The following SEC23B variants were observed in gnomAD, a reference collection of about 807,000 sequenced individuals.
The protein encoded by SEC23B is SEC23 homolog B, COPII component, also known as protein transport protein Sec23B.
A neutral mutation model predicts 104.3 loss-of-function variants in SEC23B; 77 were observed. That is an observed-to-expected ratio of 0.74 (90% confidence interval 0.61 to 0.89). The LOEUF is 0.89. Among genes scored for constraint, SEC23B ranks in the 40% least tolerant of loss-of-function variants. The probability of loss-of-function intolerance (pLI) is 0.00; values close to 1 mark genes in which losing one functional copy is unlikely to be tolerated. For missense variants in SEC23B, 885 were observed against 949.4 expected (o/e 0.93, Z 0.89); for synonymous variants, 338 against 332.5 (o/e 1.02, Z -0.18).
At position 18,556,636 on chromosome 20, in the gene SEC23B, T is replaced by G. The variant is rs192838378; in HGVS notation, c.2214+1463T>G. ...TCATTTCATTGACTTTATTATCTTT[T>G]TATTTTCAATTTCATTGATTGCTGC... is the stretch of plus-strand genomic sequence containing the variant. On this transcript the variant is annotated intron_variant, in intron 19 of 19. Coordinates refer to ENST00000650089, the MANE Select transcript of SEC23B (RefSeq NM_006363.6). Among the ~76,000 whole-genome samples, 86 of 152,356 alleles carry G rather than the reference T, an allele frequency of 5.6e-4. No homozygotes were observed. In the East Asian group the frequency reaches 8.9e-3, roughly 16 times the overall value.
At chr20:18,510,388 G>A (rs181042250) in intron 1 of SEC23B, among the ~76,000 whole-genome samples, 149 of 152,282 alleles carry the variant, frequency 9.8e-4, no homozygotes, top group African/African-American at 3.5e-3. Context: ...ATAACTGTGC[G>A]GTTAACTGAC....
In SEC23B at chr20:18,525,917, T is replaced by C. The variant is rs577955026; in HGVS notation, c.819T>C (p.Ala273=). The change falls in exon 7 of 20, where the codon GCT becomes GCC. Residue 273 remains alanine (A), a synonymous_variant. Transcript: ENST00000650089. ...CCACTGGTGTGGCTTTGTCCATTGC[T>C]GTTGGCTTGCTGGAGGTAATTTAAA... ...LRSTGVALSI[A]VGLLEGTFPN... is the part of the protein sequence containing the mutation. 4.0e-5 allele frequency: 65 copies of C among 1,614,246 alleles called. 1 individual carries two copies. The South Asian group carries it at 7.1e-4, about 18-fold the overall frequency.
At position 18,535,719 on chromosome 20, in the gene SEC23B, A is replaced by G. The variant is rs747269679; in HGVS notation, c.1381A>G (p.Ile461Val). The change falls in exon 12 of 20, where the codon ATC (isoleucine) becomes GTC (valine). Residue 461 changes from isoleucine (I) to valine (V), a missense_variant. Physicochemically the swap from Ile to Val is conservative, Grantham distance 29 (BLOSUM62 3). Coordinates refer to ENST00000650089, the MANE Select transcript of SEC23B (RefSeq NM_006363.6). ...CGLDPTSTLGIYFEVVNQHNT... is the reference protein window; with the variant it reads ...CGLDPTSTLGVYFEVVNQHNT... ...CCTAGATCCTACATCTACACTTGGCATCTATTTTGAAGTTGTCAATCAGGT... is the reference window on the plus strand; with the variant it reads ...CCTAGATCCTACATCTACACTTGGCGTCTATTTTGAAGTTGTCAATCAGGT... The G allele has an allele frequency of 9.3e-6, 15 of 1,613,972 alleles. No individual in the cohort carries two copies. The highest frequency in any genetic ancestry group is 1.3e-5 in the Non-Finnish European group (15 of 1,179,892).
intron 4 of SEC23B, among the ~76,000 whole-genome samples, chr20:18,523,397 C>CTTTTTTTTTTTTTT (rs112136906): frequency 7.7e-6 from 1 of 130,562 alleles, no homozygotes; most frequent in Non-Finnish European, 1.6e-5. Flanking sequence ...TCTTTCCTTT[C>CTTTTTTTTTTTTTT]TTTTTTTTTT....
Position 18,515,678 on chromosome 20 carries a change from A to T in SEC23B, c.308A>T (p.Glu103Val), listed in dbSNP as rs1233651537. The T allele has an allele frequency of 6.2e-7, 1 of 1,611,490 alleles. No individual in the cohort carries two copies. Among genetic ancestry groups the T allele is most frequent in the Non-Finnish European group, 8.5e-7 (1 of 1,177,550 alleles). ...CCTCCAGCTTATGGAGGCATATCTG[A>T]GGTGAATCAACCTGCCGAATTGATG... Reference protein sequence around the residue: ...QFPPAYGGISEVNQPAELMPQ... With the variant: ...QFPPAYGGISVVNQPAELMPQ... Residue 103 changes from glutamate (E) to valine (V), a missense_variant, in exon 4 of 20, where the codon GAG (glutamate) becomes GTG (valine). Coordinates refer to ENST00000650089, the MANE Select transcript of SEC23B (RefSeq NM_006363.6).
Position 18,513,055 on chromosome 20 carries a change from C to T in SEC23B, c.279+773C>T, listed in dbSNP as rs376300972. 3.9e-5 allele frequency among the ~76,000 whole-genome samples: 6 copies of T among 152,246 alleles called. No homozygotes were observed. In the East Asian group the frequency reaches 7.7e-4, roughly 20 times the overall value. On this transcript the variant is annotated intron_variant, in intron 3 of 19. Transcript: ENST00000650089. ...AAAAATTAGCCAGGAGTGGTGGCAG[C>T]CACCTGTAGTCTTAGCTACTCAGGA...
At chr20:18,548,866 T>C in intron 16 of SEC23B, 96 bp downstream of exon 16, 1 of 1,283,854 alleles carries the variant, frequency 7.8e-7, no homozygotes, top group South Asian at 1.3e-5. Flanking sequence ...AAAAAAGAAG[T>C]AAAATTTGGA....
intron 10 of SEC23B, among the ~76,000 whole-genome samples, chr20:18,532,208 A>G (rs1453519248): frequency 6.6e-6 from 1 of 152,256 alleles, no homozygotes; most frequent in Non-Finnish European, 1.5e-5. Context: ...ATGAATTCAC[A>G]TTTTAAAAAT....
chr20:18,510,608 T>TA (rs2059972785), intron 1 of SEC23B, among the ~76,000 whole-genome samples: 2 of 152,012 alleles, frequency 1.3e-5, no homozygotes, highest in African/African-American at 2.4e-5. Context: ...CTACTAAAAA[T>TA]ACAAAAAATT....
chr20:18,557,286 G>T (rs886239243), intron 19 of SEC23B, among the ~76,000 whole-genome samples: 1 of 151,976 alleles, frequency 6.6e-6, no homozygotes, highest in African/African-American at 2.4e-5. Flanking sequence ...CTTTTTAAGT[G>T]GTTGCTCCTA....
At chr20:18,559,084 G>C (rs926244368) in intron 19 of SEC23B, among the ~76,000 whole-genome samples, 1 of 151,380 alleles carries the variant, frequency 6.6e-6, no homozygotes, top group Admixed American at 6.6e-5. Context: ...GGTTGGTGGG[G>C]GGGGTGTCGG....
At chr20:18,513,865 G>A (rs1568597949) in intron 3 of SEC23B, among the ~76,000 whole-genome samples, 1 of 152,168 alleles carries the variant, frequency 6.6e-6, no homozygotes, top group East Asian at 1.9e-4. Context: ...GCCTGGGTTT[G>A]GCTCTCAGAT....
At chr20:18,514,781 G>C (rs907276818) in intron 3 of SEC23B, among the ~76,000 whole-genome samples, 1 of 152,192 alleles carries the variant, frequency 6.6e-6, no homozygotes, top group Non-Finnish European at 1.5e-5. Context: ...TCTGCCAGGA[G>C]GTTGACAGTA....
chr20:18,526,050 C>T (rs2060131313), intron 7 of SEC23B, 118 bp downstream of exon 7: 1 of 1,232,208 alleles, frequency 8.1e-7, no homozygotes, highest in Non-Finnish European at 1.2e-6. Context: ...GTTAATGTAT[C>T]AGAAAGCATT....
intron 7 of SEC23B, 88 bp downstream of exon 7, chr20:18,526,020 G>C (rs2060130955): frequency 1.4e-6 from 2 of 1,429,624 alleles, no homozygotes; most frequent in East Asian, 4.5e-5. Context: ...AATCACTTGT[G>C]ATCTAAGTCA....
intron 17 of SEC23B, among the ~76,000 whole-genome samples, chr20:18,551,721 A>AAATAATAAT (rs34825037): frequency 2.0e-5 from 3 of 151,064 alleles, no homozygotes; most frequent in African/African-American, 7.3e-5. Context: ...CTCAAAAAAT[A>AAATAATAAT]AATAATAATA....
intron 7 of SEC23B, 60 bp downstream of exon 7, chr20:18,525,992 T>C (rs2060130788): frequency 1.3e-6 from 2 of 1,559,524 alleles, no homozygotes; most frequent in Non-Finnish European, 1.8e-6. Flanking sequence ...GAAAATATAT[T>C]TGTTGGCTTT....
chr20:18,539,210 T>TCAAAA (rs1568615453), intron 12 of SEC23B, among the ~76,000 whole-genome samples: 6 of 95,122 alleles, frequency 6.3e-5, no homozygotes, highest in South Asian at 7.7e-4. Context: ...AGACTCCGTC[T>TCAAAA]AAAAAAAAAA....
intron 8 of SEC23B, 140 bp from the exon 9 acceptor site, chr20:18,527,356 C>T: frequency 1.4e-6 from 1 of 707,288 alleles, no homozygotes; most frequent in Non-Finnish European, 2.6e-6. Context: ...CTAGCCTGGG[C>T]AACAGAGAGA....
Sources: gnomAD v4.1 joint callset for allele counts (sites outside exome capture counted in the v4.1 genomes callset) on GRCh38, gnomAD v4.1.1 for gene constraint, MANE v1.5 for transcripts, NCBI Gene and HGNC (gene_info 2026-07-23, HGNC 2026-07-21) for gene names.